MEIS2: variants seen among roughly 807,000 people sequenced by gnomAD.
MEIS2 encodes Meis homeobox 2, also known as homeobox protein Meis2.
A neutral mutation model predicts 58.6 loss-of-function variants in MEIS2; 9 were observed. The ratio of observed to expected loss-of-function variants is 0.15; its 90% confidence interval spans 0.09 to 0.27. The LOEUF (loss-of-function observed/expected upper bound fraction) is 0.27. MEIS2 is among the 10% of genes least tolerant of loss of function. MEIS2 has a pLI of 1.00. For synonymous variants in MEIS2, 221 were observed against 228.4 expected, an observed-to-expected ratio of 0.97 and a Z score of 0.29; for missense variants, 427 against 635.0, an observed-to-expected ratio of 0.67 and a Z score of 3.52.
At chr15:37,053,434 C>T (rs1470343636) in intron 7 of MEIS2, among the ~76,000 whole-genome samples, 2 of 152,168 alleles carry the variant, frequency 1.3e-5, no homozygotes, top group African/African-American at 4.8e-5. Context: ...GGGCCAACTT[C>T]ACTTCATAGC....
chr15:36,897,009 G>T (rs2056212324), intron 9 of MEIS2: 1 of 243,852 alleles, frequency 4.1e-6, no homozygotes, highest in Admixed American at 5.0e-5. Context: ...CAGGCTGGAA[G>T]ACTTTCCCCC....
intron 8 of MEIS2, among the ~76,000 whole-genome samples, chr15:36,992,325 GT>G (rs1265121508): frequency 1.3e-5 from 2 of 151,978 alleles, no homozygotes; most frequent in Admixed American, 6.6e-5. Flanking sequence ...AGTTGCTAAA[GT>G]TTTTTTAAGA....
chr15:36,974,461 C>T (rs902179982), intron 8 of MEIS2, among the ~76,000 whole-genome samples: 2 of 152,190 alleles, frequency 1.3e-5, no homozygotes, highest in Admixed American at 6.5e-5. Flanking sequence ...TTTCCATATT[C>T]TCCCAAATTA....
At chr15:37,037,066 C>A in intron 7 of MEIS2, 107 bp from the exon 8 acceptor site, 1 of 1,060,096 alleles carries the variant, frequency 9.4e-7, no homozygotes, top group Non-Finnish European at 1.3e-6. Flanking sequence ...ATCCATTAAG[C>A]GAGTATATTC....
intron 8 of MEIS2, among the ~76,000 whole-genome samples, chr15:37,010,578 A>G (rs1322136891): frequency 1.3e-5 from 2 of 151,938 alleles, no homozygotes; most frequent in Admixed American, 1.3e-4. Context: ...GGGTTTCACC[A>G]TATTGCTCAG....
intron 9 of MEIS2, among the ~76,000 whole-genome samples, chr15:36,909,054 C>G (rs745528831): frequency 8.5e-5 from 13 of 152,114 alleles, no homozygotes; most frequent in Non-Finnish European, 1.9e-4. Flanking sequence ...AAACAAAAAG[C>G]AATTAATACT....
chr15:36,922,074 C>T (rs1209657119), intron 9 of MEIS2, among the ~76,000 whole-genome samples: 1 of 152,152 alleles, frequency 6.6e-6, no homozygotes, highest in South Asian at 2.1e-4. Flanking sequence ...AGTTTGCCTT[C>T]CCAATCTTAA....
At position 37,041,823 on chromosome 15, in the gene MEIS2, T is replaced by G. The variant is rs552656597; in HGVS notation, c.755-4864A>C. On this transcript the variant is annotated intron_variant, in intron 7 of 11. Transcript: ENST00000561208. ...GTGCACCTGGGATTACAAAAAGATT[T>G]AAAAAAAGCTTAAAAAAAAGAAAAG... Among the ~76,000 whole-genome samples, 12 of 151,934 alleles carry G rather than the reference T, an allele frequency of 7.9e-5. No homozygotes were observed. The East Asian group carries it at 2.1e-3, about 27-fold the overall frequency.
At chr15:36,989,676 C>A (rs1400341266) in intron 8 of MEIS2, among the ~76,000 whole-genome samples, 1 of 152,226 alleles carries the variant, frequency 6.6e-6, no homozygotes, top group Non-Finnish European at 1.5e-5. Flanking sequence ...ACAACTCTAG[C>A]AGTGATACTG....
chr15:36,907,912 G>A (rs1169590421), intron 9 of MEIS2, among the ~76,000 whole-genome samples: 1 of 101,700 alleles, frequency 9.8e-6, no homozygotes, highest in Non-Finnish European at 2.0e-5. Context: ...CTGGCATCTA[G>A]TAAAGGTGCC....
At chr15:36,987,919 A>G (rs2060145225) in intron 8 of MEIS2, among the ~76,000 whole-genome samples, 1 of 152,176 alleles carries the variant, frequency 6.6e-6, no homozygotes, top group African/African-American at 2.4e-5. Flanking sequence ...ATTTTGGTTC[A>G]GCTCTTTTAC....
chr15:36,926,155 C>CTT (rs779356754), intron 9 of MEIS2, among the ~76,000 whole-genome samples: 2 of 144,652 alleles, frequency 1.4e-5, no homozygotes, highest in Admixed American at 6.9e-5. Flanking sequence ...ATTTCATTTC[C>CTT]TTTTTTTTTT....
intron 9 of MEIS2, among the ~76,000 whole-genome samples, chr15:36,916,830 T>A (rs1479656992): frequency 6.6e-6 from 1 of 152,226 alleles, no homozygotes; most frequent in Non-Finnish European, 1.5e-5. Context: ...CTAAACTGAA[T>A]GCATACATGT....
intron 8 of MEIS2, among the ~76,000 whole-genome samples, chr15:37,019,454 C>A (rs1041546881): frequency 2.6e-5 from 4 of 152,190 alleles, no homozygotes; most frequent in African/African-American, 9.7e-5. Flanking sequence ...TGCATTGTAT[C>A]TGTAGTGCAC....
intron 9 of MEIS2, among the ~76,000 whole-genome samples, chr15:36,920,979 C>T (rs914004892): frequency 3.3e-5 from 5 of 151,550 alleles, no homozygotes; most frequent in Non-Finnish European, 5.9e-5. Flanking sequence ...TTCAGAAGGG[C>T]CAGGAAAAAA....
At chr15:36,956,887 TAAAAA>T (rs61478606) in intron 8 of MEIS2, among the ~76,000 whole-genome samples, 3 of 112,012 alleles carry the variant, frequency 2.7e-5, no homozygotes, top group African/African-American at 1.0e-4. Context: ...AAATGATTGT[TAAAAA>T]AAAAAAAAAA....
At chr15:36,920,714 G>T (rs1387795498) in intron 9 of MEIS2, among the ~76,000 whole-genome samples, 1 of 152,154 alleles carries the variant, frequency 6.6e-6, no homozygotes, top group Admixed American at 6.5e-5. Flanking sequence ...TCTTGACTTA[G>T]TGTATGAGAA....
At chr15:36,970,498 A>T (rs914441809) in intron 8 of MEIS2, among the ~76,000 whole-genome samples, 2 of 152,100 alleles carry the variant, frequency 1.3e-5, no homozygotes, top group South Asian at 2.1e-4. Context: ...TATTTGAAAA[A>T]TCTCCCTACA....
chr15:36,904,725 C>T (rs921420729), intron 9 of MEIS2, among the ~76,000 whole-genome samples: 10 of 151,462 alleles, frequency 6.6e-5, no homozygotes, highest in African/African-American at 7.3e-5. Flanking sequence ...GCTGGGTAAA[C>T]GTCCAGAAAG....
Sources: gnomAD v4.1 joint callset for allele counts (sites outside exome capture counted in the v4.1 genomes callset) on GRCh38, gnomAD v4.1.1 for gene constraint, MANE v1.5 for transcripts, NCBI Gene and HGNC (gene_info 2026-07-23, HGNC 2026-07-21) for gene names.